The following TMEM59 variants were observed in gnomAD, a reference collection of about 807,000 sequenced individuals.
TMEM59 encodes dendritic cell factor 1.
In TMEM59, 44 loss-of-function variants were observed where a neutral mutation model predicts 42.2. The ratio of observed to expected loss-of-function variants is 1.04; its 90% CI spans 0.82 to 1.34. TMEM59 has a LOEUF of 1.34. Among genes scored for constraint, TMEM59 ranks in the 40% most tolerant of loss-of-function variants. The pLI, the probability that TMEM59 is intolerant of heterozygous loss-of-function variation, is 0.00. For synonymous variants in TMEM59, 148 were observed against 145.8 expected, an observed-to-expected ratio of 1.02 and a Z score of -0.11; for missense variants, 359 against 382.8, an observed-to-expected ratio of 0.94 and a Z score of 0.52.
intron 1 of TMEM59, among the ~76,000 whole-genome samples, chr1:54,052,779 T>G (rs1191092686): frequency 6.6e-6 from 1 of 152,176 alleles, no homozygotes; most frequent in Non-Finnish European, 1.5e-5. Flanking sequence ...CTCATCTTTG[T>G]GTCCCCCAGC....
intron 7 of TMEM59, 118 bp from the exon 8 acceptor site, chr1:54,032,423 TTAAG>T (rs1468397230): frequency 2.0e-6 from 2 of 1,021,022 alleles, no homozygotes; most frequent in Non-Finnish European, 1.3e-6. Context: ...ATAAACAACT[TTAAG>T]AAAGAAGAAT....
chr1:54,039,701 A>C (rs146928800), intron 6 of TMEM59, among the ~76,000 whole-genome samples: 2 of 152,362 alleles, frequency 1.3e-5, no homozygotes, highest in African/African-American at 4.8e-5. Flanking sequence ...CACTAGAATG[A>C]ACACACTATA....
Position 54,052,980 on chromosome 1 carries a change from C to G in TMEM59, c.189+20G>C, listed in dbSNP as rs1479223113. On this transcript the variant is annotated intron_variant, in intron 1 of 7. Transcript: ENST00000234831. ...TGGGCTGCAAGGGAAGGGTCGCAGC[C>G]CGCTCCGGACGGGCCCTACCTTAGG... 6.3e-7 allele frequency: 1 copy of G among 1,597,840 alleles called. No homozygotes were observed. Among genetic ancestry groups the G allele is most frequent in the Non-Finnish European group, 8.6e-7 (1 of 1,168,698 alleles).
At chr1:54,047,878 G>A (rs1657397396) in intron 1 of TMEM59, 1 of 155,042 alleles carries the variant, frequency 6.4e-6, no homozygotes, top group Non-Finnish European at 1.4e-5. Flanking sequence ...TGAGGTGTGA[G>A]GATTGTTTGA....
rs1034571125 is a variant in TMEM59, at chr1:54,028,476, G to A, written c.*3674C>T. ...GGCTCTCTACTGTGCTCAGGATCAA[G>A]TGCAGGTTTAAAGTGCAGGTTTATT... On this transcript the variant is annotated 3_prime_UTR_variant, in exon 8 of 8. Coordinates refer to ENST00000234831, the MANE Select transcript of TMEM59 (RefSeq NM_004872.5). The A allele has an allele frequency of 2.6e-5, 4 of 152,274 alleles. No homozygotes were observed. Among genetic ancestry groups the A allele is most frequent in the Admixed American group, 1.3e-4 (2 of 15,284 alleles). 9.4% of individuals were successfully genotyped at this position (152,274 alleles called of 1,614,324 possible). A position where few individuals can be genotyped will look rare whatever the true frequency, so the allele number is the denominator to read the frequency against.
intron 7 of TMEM59, chr1:54,034,291 G>A (rs1314744958): frequency 6.6e-6 from 1 of 152,320 alleles, no homozygotes; most frequent in African/African-American, 2.4e-5. Flanking sequence ...GGGAGAAAAT[G>A]GGGAGCAATT....
upstream of TMEM59, chr1:54,053,364 C>T (rs1269149483): frequency 5.9e-6 from 4 of 679,954 alleles, no homozygotes; most frequent in Non-Finnish European, 7.3e-6. Context: ...ACCTCTGGGA[C>T]TACGAACTTC....
intron 2 of TMEM59, 116 bp from the exon 3 acceptor site, chr1:54,045,902 G>T: frequency 3.5e-6 from 3 of 856,180 alleles, no homozygotes; most frequent in Non-Finnish European, 5.2e-6. Context: ...TCATCAATGT[G>T]AATTTCCAAA....
rs1557670553 is a variant in TMEM59, at chr1:54,029,983, C to A, written c.*2167G>T. The A allele has an allele frequency of 6.6e-6, 1 of 152,022 alleles. No individual in the cohort carries two copies. The highest frequency in any genetic ancestry group is 1.5e-5 in the Non-Finnish European group (1 of 68,000). The allele number at this position is 152,022 out of a possible 1,614,324, so 9.4% of individuals were successfully genotyped here. A position where few individuals can be genotyped will look rare whatever the true frequency, so the allele number is the denominator to read the frequency against. ...TATCAAGAATGTCTTGGTATTTTCA[C>A]ATATAAGGAATTCTCTCAACAAGAG... On this transcript the variant is annotated 3_prime_UTR_variant, in exon 8 of 8. Transcript: ENST00000234831.
intron 5 of TMEM59, among the ~76,000 whole-genome samples, chr1:54,041,141 T>A (rs531713097): frequency 1.4e-4 from 22 of 152,342 alleles, no homozygotes; most frequent in African/African-American, 4.6e-4. Flanking sequence ...TTATGTTATG[T>A]GCTATCATTA....
chr1:54,032,861 T>C (rs923693359), intron 7 of TMEM59, among the ~76,000 whole-genome samples: 3 of 150,766 alleles, frequency 2.0e-5, no homozygotes, highest in East Asian at 1.9e-4. Flanking sequence ...TGGAGAATAA[T>C]AGTAATATCT....
intron 1 of TMEM59, chr1:54,048,721 C>G (rs749252588): frequency 7.5e-6 from 3 of 399,770 alleles, no homozygotes; most frequent in Non-Finnish European, 1.5e-5. Flanking sequence ...CAGTTAGCAA[C>G]CAATGAAATA....
In TMEM59 at chr1:54,027,641, C is replaced by T. The variant is rs371139105; in HGVS notation, c.*4509G>A. ...AAAATTAGCCAAGCATGGTGGCACG[C>T]GCCTGTAGTACCAGCTACTTGGGAG... On this transcript the variant is annotated 3_prime_UTR_variant, in exon 8 of 8. Coordinates refer to ENST00000234831, the MANE Select transcript of TMEM59 (RefSeq NM_004872.5). 2.6e-5 allele frequency: 4 copies of T among 151,920 alleles called. No individual in the cohort carries two copies. Among genetic ancestry groups the T allele is most frequent in the African/African-American group, 9.7e-5 (4 of 41,332 alleles). 9.4% of individuals were successfully genotyped at this position (151,920 alleles called of 1,614,324 possible).
intron 5 of TMEM59, 113 bp from the exon 6 acceptor site, chr1:54,040,950 C>A: frequency 1.3e-6 from 1 of 769,418 alleles, no homozygotes; most frequent in South Asian, 1.7e-5. Context: ...TTGTTTGTGT[C>A]ATCTGATACA....
intron 1 of TMEM59, among the ~76,000 whole-genome samples, chr1:54,048,355 G>A (rs1332967222): frequency 6.6e-6 from 1 of 152,208 alleles, no homozygotes; most frequent in Non-Finnish European, 1.5e-5. Flanking sequence ...CAAAAAAGGA[G>A]AGAACAGCCA....
In TMEM59 at chr1:54,043,428, G is replaced by A. The variant is rs140612448; in HGVS notation, c.488C>T (p.Thr163Ile). The A allele has an allele frequency of 1.9e-6, 3 of 1,583,506 alleles. No individual in the cohort carries two copies. Among genetic ancestry groups the A allele is most frequent in the African/African-American group, 2.7e-5 (2 of 73,908 alleles). Residue 163 changes from threonine (T) to isoleucine (I), a missense_variant, in exon 4 of 8, where the codon ACC becomes ATC. Coordinates refer to ENST00000234831, the MANE Select transcript of TMEM59 (RefSeq NM_004872.5). Reference protein sequence around the residue: ...DMMDSAQSFITSSWTFYLQAD... With the variant: ...DMMDSAQSFIISSWTFYLQAD... ...TTGAAGATAAAAAGTCCATGAAGAG[G>A]TTATGAAGCTCTGTGCGGAGTCCAT...
At position 54,027,097 on chromosome 1, in the gene TMEM59, C is replaced by G. The variant is rs751285552; in HGVS notation, c.*5053G>C. 1 of 152,176 alleles carries G rather than the reference C, an allele frequency of 6.6e-6. No homozygotes were observed. The highest frequency in any genetic ancestry group is 1.5e-5 in the Non-Finnish European group (1 of 68,042). The allele number at this position is 152,176 out of a possible 1,614,324, so 9.4% of individuals were successfully genotyped here. ...TCTAACTGAAATATAACATTTCCTT[C>G]AATTACGAATATAGGAAACAGTCCA... On this transcript the variant is annotated 3_prime_UTR_variant, in exon 8 of 8. Transcript: ENST00000234831.
chr1:54,043,557 T>G, intron 3 of TMEM59, 32 bp from the exon 4 acceptor site: 1 of 1,315,962 alleles, frequency 7.6e-7, no homozygotes, highest in Non-Finnish European at 9.9e-7. Flanking sequence ...AGAAATATAT[T>G]ATTTTTATAT....
chr1:54,028,595 G>C lies in TMEM59; in HGVS notation c.*3555C>G, dbSNP rs1232840894. The stretch of plus-strand genomic sequence containing the variant: ...GCAGTGCCTCACCCTCTGGCCTCTA[G>C]GTCTTTGAGCACAGTGTCCCCACTG... On this transcript the variant is annotated 3_prime_UTR_variant, in exon 8 of 8. Coordinates refer to ENST00000234831, the MANE Select transcript of TMEM59 (RefSeq NM_004872.5). 1 of 152,208 alleles carries C rather than the reference G, an allele frequency of 6.6e-6. No homozygotes were observed. The highest frequency in any genetic ancestry group is 1.5e-5 in the Non-Finnish European group (1 of 68,076). The allele number at this position is 152,208 out of a possible 1,614,324, so 9.4% of individuals were successfully genotyped here. A position where few individuals can be genotyped will look rare whatever the true frequency, so the allele number is the denominator to read the frequency against.
Sources: allele counts gnomAD v4.1 joint callset (sites outside exome capture counted in the v4.1 genomes callset), GRCh38; gene constraint gnomAD v4.1.1; transcripts MANE v1.5; gene names NCBI Gene and HGNC (gene_info 2026-07-23, HGNC 2026-07-21).